CSRNP3: variants seen among roughly 807,000 people sequenced by gnomAD.
The protein encoded by CSRNP3 is cysteine and serine rich nuclear protein 3.
A neutral mutation model predicts 48.0 loss-of-function variants in CSRNP3; 12 were observed. The observed-to-expected ratio is 0.25, with a 90% CI of 0.16 to 0.41. CSRNP3 has a LOEUF of 0.41. CSRNP3 is among the 10% of genes least tolerant of loss of function. CSRNP3 has a pLI of 1.00. For missense variants in CSRNP3, 580 were observed against 724.4 expected (o/e 0.80, Z 2.29); for synonymous variants, 263 against 269.7 (o/e 0.98, Z 0.24).
chr2:165,624,651 C>G (rs755711337), intron 4 of CSRNP3, among the ~76,000 whole-genome samples: 1 of 152,152 alleles, frequency 6.6e-6, no homozygotes, highest in Non-Finnish European at 1.5e-5. Flanking sequence ...AACTAAGAAG[C>G]CTTCTTTTCA....
At chr2:165,524,113 C>G (rs1334775751) in intron 3 of CSRNP3, among the ~76,000 whole-genome samples, 1 of 152,082 alleles carries the variant, frequency 6.6e-6, no homozygotes, top group Non-Finnish European at 1.5e-5. Flanking sequence ...TCATAAAGTG[C>G]ACTGCCAAAA....
intron 4 of CSRNP3, among the ~76,000 whole-genome samples, chr2:165,615,812 G>A (rs952513544): frequency 6.6e-6 from 1 of 150,768 alleles, no homozygotes; most frequent in African/African-American, 2.4e-5. Context: ...ACAGCTCACT[G>A]CAGCATCGAC....
At chr2:165,511,718 G>A (rs1043284222) in intron 2 of CSRNP3, among the ~76,000 whole-genome samples, 1 of 152,118 alleles carries the variant, frequency 6.6e-6, no homozygotes, top group African/African-American at 2.4e-5. Flanking sequence ...CTCTTTGAGC[G>A]ATATCATAGA....
In CSRNP3 at chr2:165,576,986, TG is replaced by T. The variant is rs1294726632; in HGVS notation, c.-23-18055del. On this transcript the variant is annotated intron_variant, in intron 3 of 6. Transcript: ENST00000651982. ...GAAACTAGAGACCATATTGTAGGCT[TG>T]GAAAAGATTTCAGGGCAAACATGTT... Among the ~76,000 whole-genome samples, 6 of 152,074 alleles carry T rather than the reference TG, an allele frequency of 3.9e-5. No individual in the cohort carries two copies. The Middle Eastern group carries it at 0.01, about 259-fold the overall frequency.
At chr2:165,489,249 A>G (rs1223921639) in intron 1 of CSRNP3, among the ~76,000 whole-genome samples, 1 of 151,332 alleles carries the variant, frequency 6.6e-6, no homozygotes, top group Non-Finnish European at 1.5e-5. Context: ...TAAACCAGGA[A>G]GAAGTTGAAT....
chr2:165,612,578 T>TC (rs765934684), intron 4 of CSRNP3, among the ~76,000 whole-genome samples: 13 of 151,986 alleles, frequency 8.6e-5, no homozygotes, highest in Non-Finnish European at 1.9e-4. Context: ...TCCTCCCTCT[T>TC]CCCCTACAAT....
Position 165,595,341 on chromosome 2 carries a change from A to G in CSRNP3, c.148+128A>G. On this transcript the variant is annotated intron_variant, in intron 4 of 6. Coordinates refer to ENST00000651982, the MANE Select transcript of CSRNP3 (RefSeq NM_001172173.2). ...CATCAACCAAATACAAAGAACACTT[A>G]CCCAAAAATGAAATATTTTTCGGGT... 4.7e-6 allele frequency: 4 copies of G among 858,218 alleles called. No homozygotes were observed. In the South Asian group the frequency reaches 8.9e-5, roughly 19 times the overall value. The allele number at this position is 858,218 out of a possible 1,614,324, so 53.2% of individuals were successfully genotyped here.
intron 1 of CSRNP3, among the ~76,000 whole-genome samples, chr2:165,477,598 G>T (rs752262288): frequency 6.7e-6 from 1 of 150,204 alleles, no homozygotes; most frequent in Non-Finnish European, 1.5e-5. Context: ...GAACCCGGGA[G>T]GCGGAGGTTA....
At chr2:165,498,224 G>A (rs767253737) in intron 2 of CSRNP3, among the ~76,000 whole-genome samples, 18 of 152,046 alleles carry the variant, frequency 1.2e-4, no homozygotes, top group Non-Finnish European at 2.2e-4. Flanking sequence ...AATGCTGCTT[G>A]TGATAACGTG....
chr2:165,589,912 A>C (rs1194211744), intron 3 of CSRNP3, among the ~76,000 whole-genome samples: 30 of 152,160 alleles, frequency 2.0e-4, no homozygotes. Context: ...ATGGTTTCTA[A>C]CTGCTCCCAT....
At position 165,642,032 on chromosome 2, in the gene CSRNP3, G is replaced by T. The variant is rs146392776; in HGVS notation, c.149-15729G>T. The stretch of plus-strand genomic sequence containing the variant: ...TAGCCCATGTCATGAGAGTAGCACA[G>T]ATAAAAGACAAACATAGACTCTTTG... On this transcript the variant is annotated intron_variant, in intron 4 of 6. Coordinates refer to ENST00000651982, the MANE Select transcript of CSRNP3 (RefSeq NM_001172173.2). 5.9e-4 allele frequency among the ~76,000 whole-genome samples: 89 copies of T among 151,684 alleles called. No homozygotes were observed. In the East Asian group the frequency reaches 8.3e-3, roughly 14 times the overall value.
intron 3 of CSRNP3, among the ~76,000 whole-genome samples, chr2:165,533,683 T>G (rs532025304): frequency 6.6e-6 from 1 of 152,102 alleles, no homozygotes; most frequent in African/African-American, 2.4e-5. Context: ...TTTGTCAAGC[T>G]AAAATAATGA....
chr2:165,607,354 A>G (rs1399137464), intron 4 of CSRNP3, among the ~76,000 whole-genome samples: 1 of 152,196 alleles, frequency 6.6e-6, no homozygotes. Flanking sequence ...AAATTTTAAC[A>G]AATCCATTCA....
intron 3 of CSRNP3, among the ~76,000 whole-genome samples, chr2:165,526,744 CA>C (rs1276103642): frequency 6.6e-6 from 1 of 152,148 alleles, no homozygotes; most frequent in Non-Finnish European, 1.5e-5. Context: ...ACATTGTAAA[CA>C]CTCAATGTAG....
In CSRNP3 at chr2:165,501,804, C is replaced by G. The variant is rs73969259; in HGVS notation, c.-113+6876C>G. 1.1e-3 allele frequency among the ~76,000 whole-genome samples: 170 copies of G among 152,124 alleles called. 1 individual carries two copies. The highest frequency in any genetic ancestry group is 4.0e-3 in the African/African-American group (165 of 41,530). On this transcript the variant is annotated intron_variant, in intron 2 of 6. Coordinates refer to ENST00000651982, the MANE Select transcript of CSRNP3 (RefSeq NM_001172173.2). ...TAAGATTGTTAAATACAATTAGGGT[C>G]TCCTTCAACAGGTCCAGATTTATTG...
chr2:165,627,022 G>T (rs1004443188), intron 4 of CSRNP3, among the ~76,000 whole-genome samples: 6 of 152,088 alleles, frequency 3.9e-5, no homozygotes, highest in Admixed American at 2.6e-4. Context: ...TTTAGAGAAG[G>T]TTAGTTCTTG....
rs374720661 is a variant in CSRNP3, at chr2:165,619,092, C to G, written c.148+23879C>G. Among the ~76,000 whole-genome samples the G allele has an allele frequency of 3.3e-5, 5 of 152,112 alleles. No homozygotes were observed. The East Asian group carries it at 7.7e-4, about 24-fold the overall frequency. On this transcript the variant is annotated intron_variant, in intron 4 of 6. Transcript: ENST00000651982. ...TCTCTAAAGGAAGTTACATGAGGGT[C>G]CCAGTGTTGTGGGTATCTTATTATA...
intron 3 of CSRNP3, among the ~76,000 whole-genome samples, chr2:165,569,757 G>A (rs1685343538): frequency 6.6e-6 from 1 of 151,768 alleles, no homozygotes; most frequent in Non-Finnish European, 1.5e-5. Flanking sequence ...CTATCCTCTT[G>A]CCATCTCACT....
chr2:165,489,265 A>T (rs1463500268), intron 1 of CSRNP3, among the ~76,000 whole-genome samples: 7 of 150,702 alleles, frequency 4.6e-5, no homozygotes, highest in Non-Finnish European at 1.0e-4. Context: ...TGAATCTCTG[A>T]ATAGACCAAT....
Sources: allele counts gnomAD v4.1 joint callset (sites outside exome capture counted in the v4.1 genomes callset), GRCh38; gene constraint gnomAD v4.1.1; transcripts MANE v1.5; gene names NCBI Gene and HGNC (gene_info 2026-07-23, HGNC 2026-07-21).